GPC5: variants seen among roughly 807,000 people sequenced by gnomAD.
The protein encoded by GPC5 is glypican-5.
A neutral mutation model predicts 53.9 loss-of-function variants in GPC5; 47 were observed. The ratio of observed to expected loss-of-function variants is 0.87; its 90% confidence interval spans 0.69 to 1.11. The LOEUF is 1.11. Ranked by LOEUF, GPC5 falls within the 50% of genes most tolerant of loss-of-function variation. The pLI is 0.00. For missense variants in GPC5, 748 were observed against 713.1 expected, an observed-to-expected ratio of 1.05 and a Z score of -0.56; for synonymous variants, 286 against 263.3, an observed-to-expected ratio of 1.09 and a Z score of -0.84.
intron 2 of GPC5, among the ~76,000 whole-genome samples, chr13:91,642,950 G>A (rs1180019501): frequency 6.6e-6 from 1 of 152,074 alleles, no homozygotes; most frequent in Non-Finnish European, 1.5e-5. Flanking sequence ...AATCATGGTG[G>A]CAGATAAAGA....
chr13:92,503,748 A>T (rs1047992273), intron 7 of GPC5, among the ~76,000 whole-genome samples: 2 of 151,880 alleles, frequency 1.3e-5, no homozygotes, highest in Non-Finnish European at 2.9e-5. Flanking sequence ...AATCCTACAC[A>T]CCAAAGTTTG....
At chr13:92,291,062 G>C (rs776659386) in intron 7 of GPC5, among the ~76,000 whole-genome samples, 48 of 152,080 alleles carry the variant, frequency 3.2e-4, no homozygotes, top group Non-Finnish European at 6.0e-4. Context: ...ATTTCTCGCC[G>C]GGCCTTAGCT....
At chr13:92,290,118 C>G (rs978665152) in intron 7 of GPC5, among the ~76,000 whole-genome samples, 8 of 152,102 alleles carry the variant, frequency 5.3e-5, no homozygotes, top group African/African-American at 1.7e-4. Context: ...AAAATAAAAA[C>G]TGTTATACAA....
chr13:92,198,127 T>C (rs924906336), intron 7 of GPC5, among the ~76,000 whole-genome samples: 1 of 152,164 alleles, frequency 6.6e-6, no homozygotes, highest in Non-Finnish European at 1.5e-5. Context: ...AATTCAGCCA[T>C]CCCCCAATAT....
chr13:92,720,633 C>T (rs183979560), intron 7 of GPC5, among the ~76,000 whole-genome samples: 1 of 151,786 alleles, frequency 6.6e-6, no homozygotes, highest in Non-Finnish European at 1.5e-5. Flanking sequence ...TACATAAATG[C>T]AAATATATTC....
intron 7 of GPC5, among the ~76,000 whole-genome samples, chr13:92,197,674 T>TTTTTGTA (rs2042266682): frequency 6.6e-6 from 1 of 151,804 alleles, no homozygotes; most frequent in Non-Finnish European, 1.5e-5. Flanking sequence ...ATTTTTTTTT[T>TTTTTGTA]TTTTTGTATT....
At chr13:92,303,670 A>G (rs1415166154) in intron 7 of GPC5, among the ~76,000 whole-genome samples, 1 of 152,238 alleles carries the variant, frequency 6.6e-6, no homozygotes, top group East Asian at 1.9e-4. Context: ...ACAAACCAAA[A>G]GCAGCTGATC....
intron 7 of GPC5, among the ~76,000 whole-genome samples, chr13:92,393,261 G>C (rs559507560): frequency 6.6e-6 from 1 of 152,132 alleles, no homozygotes; most frequent in African/African-American, 2.4e-5. Context: ...TATAGTTGGA[G>C]CTGGAGATCA....
intron 6 of GPC5, among the ~76,000 whole-genome samples, chr13:92,053,497 A>G (rs546852409): frequency 4.5e-4 from 68 of 152,042 alleles, no homozygotes; most frequent in Non-Finnish European, 8.7e-4. Context: ...CTTTGTCTGC[A>G]AGATTTTTTA....
At chr13:92,279,950 T>C (rs1363060899) in intron 7 of GPC5, among the ~76,000 whole-genome samples, 2 of 152,144 alleles carry the variant, frequency 1.3e-5, no homozygotes, top group Non-Finnish European at 2.9e-5. Flanking sequence ...CTCTATTTTA[T>C]TTTTATTTTT....
intron 6 of GPC5, among the ~76,000 whole-genome samples, chr13:91,984,851 T>G (rs1594706221): frequency 6.6e-6 from 1 of 152,226 alleles, no homozygotes; most frequent in East Asian, 1.9e-4. Flanking sequence ...CTCCGTGATT[T>G]TAATAATTCA....
intron 2 of GPC5, among the ~76,000 whole-genome samples, chr13:91,584,455 A>G (rs995333308): frequency 2.0e-5 from 3 of 152,208 alleles, no homozygotes; most frequent in African/African-American, 7.2e-5. Flanking sequence ...GTGAATGTTG[A>G]TGCAAATGTA....
At chr13:92,604,206 A>G (rs1884176531) in intron 7 of GPC5, among the ~76,000 whole-genome samples, 1 of 152,178 alleles carries the variant, frequency 6.6e-6, no homozygotes, top group Admixed American at 6.5e-5. Context: ...ACTTCAAGGT[A>G]AACTTTTTGA....
intron 4 of GPC5, among the ~76,000 whole-genome samples, chr13:91,738,135 A>T (rs2036853379): frequency 6.6e-6 from 1 of 151,390 alleles, no homozygotes; most frequent in Non-Finnish European, 1.5e-5. Context: ...GGTGATAAAG[A>T]CAAACTAGGT....
chr13:91,427,388 T>G (rs1348996825), intron 1 of GPC5, among the ~76,000 whole-genome samples: 3 of 152,224 alleles, frequency 2.0e-5, no homozygotes, highest in Admixed American at 6.5e-5. Context: ...CAGTGTGACC[T>G]TGATGTGAGA....
intron 7 of GPC5, among the ~76,000 whole-genome samples, chr13:92,801,037 A>AT (rs1484148650): frequency 1.3e-5 from 2 of 151,664 alleles, no homozygotes; most frequent in African/African-American, 2.4e-5. Context: ...GAAAAAAAAA[A>AT]GAAAACTAGC....
intron 7 of GPC5, among the ~76,000 whole-genome samples, chr13:92,834,717 C>T (rs1386289070): frequency 1.3e-5 from 2 of 152,038 alleles, no homozygotes; most frequent in Admixed American, 6.6e-5. Flanking sequence ...AGAAAATGTA[C>T]ATGTATTTTA....
chr13:92,388,370 T>C (rs1874840460), intron 7 of GPC5, among the ~76,000 whole-genome samples: 2 of 151,940 alleles, frequency 1.3e-5, no homozygotes, highest in Admixed American at 6.6e-5. Flanking sequence ...GGTAACTAAG[T>C]TTATGACATT....
chr13:91,682,187 T>A (rs913529043), intron 2 of GPC5, among the ~76,000 whole-genome samples: 3 of 152,226 alleles, frequency 2.0e-5, no homozygotes, highest in Non-Finnish European at 4.4e-5. Context: ...TAATACAATG[T>A]GTGCTATGTT....
Sources: gnomAD v4.1 joint callset for allele counts (sites outside exome capture counted in the v4.1 genomes callset) on GRCh38, gnomAD v4.1.1 for gene constraint, MANE v1.5 for transcripts, NCBI Gene and HGNC (gene_info 2026-07-23, HGNC 2026-07-21) for gene names.